The following WWOX variants were observed in gnomAD, a reference collection of about 807,000 sequenced individuals.
WWOX encodes WW domain-containing oxidoreductase.
A neutral mutation model predicts 46.2 loss-of-function variants in WWOX; 69 were observed. The observed-to-expected ratio is 1.49, with a 90% confidence interval of 1.23 to 1.82. The LOEUF is 1.82. Ranked by LOEUF, WWOX falls within the 40% of genes most tolerant of loss-of-function variation. WWOX has a pLI of 0.00. For synonymous variants in WWOX, 359 were observed against 202.6 expected, an observed-to-expected ratio of 1.77 and a Z score of -6.56; for missense variants, 919 against 542.6, an observed-to-expected ratio of 1.69 and a Z score of -6.89.
chr16:78,328,892 T>C (rs767971653), intron 5 of WWOX, among the ~76,000 whole-genome samples: 6 of 152,124 alleles, frequency 3.9e-5, no homozygotes, highest in African/African-American at 7.2e-5. Context: ...CTAACAGTCT[T>C]GCTCTGTCTT....
chr16:78,542,367 GGA>G (rs377521492), intron 8 of WWOX, among the ~76,000 whole-genome samples: 2 of 152,146 alleles, frequency 1.3e-5, no homozygotes, highest in South Asian at 2.1e-4. Context: ...CTGAAAATTA[GGA>G]GAGAGAGGCA....
chr16:78,673,345 T>C (rs1343148695), intron 8 of WWOX, among the ~76,000 whole-genome samples: 1 of 152,198 alleles, frequency 6.6e-6, no homozygotes, highest in African/African-American at 2.4e-5. Flanking sequence ...GAGCTGGCTG[T>C]GCTAGGAAAC....
chr16:79,109,955 A>C (rs2049385131), intron 8 of WWOX, among the ~76,000 whole-genome samples: 1 of 152,212 alleles, frequency 6.6e-6, no homozygotes, highest in African/African-American at 2.4e-5. Context: ...GTTGCATGGA[A>C]ATGAAAGTGC....
chr16:79,032,780 T>C (rs1029460332), intron 8 of WWOX, among the ~76,000 whole-genome samples: 2 of 151,684 alleles, frequency 1.3e-5, no homozygotes, highest in Non-Finnish European at 2.9e-5. Context: ...TTATATTTTA[T>C]TTTAAGTTCA....
At chr16:78,225,831 C>A (rs1339295584) in intron 5 of WWOX, among the ~76,000 whole-genome samples, 2 of 152,088 alleles carry the variant, frequency 1.3e-5, no homozygotes, top group East Asian at 1.9e-4. Context: ...AGTATTTTTT[C>A]CTTATTTCCA....
chr16:78,813,590 C>T (rs1191210308), intron 8 of WWOX, among the ~76,000 whole-genome samples: 8 of 151,924 alleles, frequency 5.3e-5, no homozygotes, highest in Non-Finnish European at 1.2e-4. Context: ...TGTGTGTGTG[C>T]ATGTGTGAGC....
intron 8 of WWOX, among the ~76,000 whole-genome samples, chr16:79,011,393 C>G (rs1027361946): frequency 6.6e-6 from 1 of 151,960 alleles, no homozygotes; most frequent in Admixed American, 6.6e-5. Flanking sequence ...GGTGTTCGAT[C>G]TGGAATCTGA....
At chr16:78,561,663 G>T (rs564097024) in intron 8 of WWOX, among the ~76,000 whole-genome samples, 7 of 152,110 alleles carry the variant, frequency 4.6e-5, no homozygotes, top group Admixed American at 1.3e-4. Flanking sequence ...TAATATAAAA[G>T]AAAGGGGGTA....
At position 78,769,695 on chromosome 16, in the gene WWOX, T is replaced by C. The variant is rs1245042613; in HGVS notation, c.1056+336943T>C. ...AGAATTATTAGCTACAACAGGGTTT[T>C]GGCTACTAAAGGGTAAAGAGAATCA... On this transcript the variant is annotated intron_variant, in intron 8 of 8. Coordinates refer to ENST00000566780, the MANE Select transcript of WWOX (RefSeq NM_016373.4). Among the ~76,000 whole-genome samples the C allele has an allele frequency of 4.0e-5, 6 of 151,550 alleles. No homozygotes were observed. The East Asian group carries it at 1.2e-3, about 29-fold the overall frequency.
intron 8 of WWOX, among the ~76,000 whole-genome samples, chr16:78,661,609 T>G (rs1342599404): frequency 7.2e-6 from 1 of 137,994 alleles, no homozygotes; most frequent in Non-Finnish European, 1.5e-5. Flanking sequence ...GACAGCCCTG[T>G]AATAAATGTC....
At chr16:78,553,892 T>G (rs1316930618) in intron 8 of WWOX, among the ~76,000 whole-genome samples, 2 of 151,874 alleles carry the variant, frequency 1.3e-5, no homozygotes, top group South Asian at 2.1e-4. Flanking sequence ...CGTGGGAGTT[T>G]AAGAGAGCAA....
rs867002068 is a variant in WWOX, at chr16:78,619,215, G to A, written c.1056+186463G>A. On this transcript the variant is annotated intron_variant, in intron 8 of 8. Transcript: ENST00000566780. ...TATATATATATATATATATATATAT[G>A]TAGCCATGCATGGGGGCCTGCCCTT... is the stretch of plus-strand genomic sequence containing the variant. 4.7e-4 allele frequency among the ~76,000 whole-genome samples: 32 copies of A among 68,120 alleles called. 1 individual carries two copies. The highest frequency in any genetic ancestry group is 5.8e-4 in the Admixed American group (3 of 5,164). The allele number at this position is 68,120 out of a possible 152,430, so 44.7% of individuals were successfully genotyped here. A position where few individuals can be genotyped will look rare whatever the true frequency, so the allele number is the denominator to read the frequency against.
chr16:78,675,732 G>C (rs1343507162), intron 8 of WWOX, among the ~76,000 whole-genome samples: 2 of 152,284 alleles, frequency 1.3e-5, no homozygotes, highest in East Asian at 3.9e-4. Flanking sequence ...CCTGCACTTA[G>C]AGAGGGCAAG....
chr16:78,191,732 T>A (rs925859965), intron 5 of WWOX, among the ~76,000 whole-genome samples: 6 of 152,076 alleles, frequency 3.9e-5, no homozygotes, highest in African/African-American at 1.4e-4. Context: ...GATTCTTATC[T>A]GAGAGGGGAT....
chr16:78,893,171 T>C (rs2044627695), intron 8 of WWOX, among the ~76,000 whole-genome samples: 1 of 151,298 alleles, frequency 6.6e-6, no homozygotes, highest in African/African-American at 2.4e-5. Context: ...CACACGACTA[T>C]GAGATGGAAT....
chr16:79,143,413 A>C (rs1407598565), intron 8 of WWOX, among the ~76,000 whole-genome samples: 1 of 152,218 alleles, frequency 6.6e-6, no homozygotes, highest in Admixed American at 6.5e-5. Context: ...TAACAGCTGC[A>C]GGGAAGGCTT....
chr16:78,451,038 T>C (rs2083678499), intron 8 of WWOX, among the ~76,000 whole-genome samples: 1 of 152,236 alleles, frequency 6.6e-6, no homozygotes, highest in Non-Finnish European at 1.5e-5. Context: ...TTTCTTGGAC[T>C]GTGGTTTGCT....
At chr16:78,855,920 A>T (rs2052555316) in intron 8 of WWOX, among the ~76,000 whole-genome samples, 1 of 152,202 alleles carries the variant, frequency 6.6e-6, no homozygotes, top group African/African-American at 2.4e-5. Context: ...TTTACAGAAG[A>T]CAGACTTGGG....
chr16:79,173,897 C>T (rs950249184), intron 8 of WWOX, among the ~76,000 whole-genome samples: 3 of 152,144 alleles, frequency 2.0e-5, no homozygotes, highest in Non-Finnish European at 4.4e-5. Context: ...ATATTATCTA[C>T]ATAGATACTT....
Sources: gnomAD v4.1 joint callset for allele counts (sites outside exome capture counted in the v4.1 genomes callset) on GRCh38, gnomAD v4.1.1 for gene constraint, MANE v1.5 for transcripts, NCBI Gene and HGNC (gene_info 2026-07-23, HGNC 2026-07-21) for gene names.